Variants in BCLAF1 observed in about 807,000 individuals in gnomAD.
BCLAF1 encodes BCL2 associated transcription factor 1.
In BCLAF1, 10 loss-of-function variants were observed where a neutral mutation model predicts 99.5. The ratio of observed to expected loss-of-function variants is 0.10; its 90% CI spans 0.06 to 0.17. BCLAF1 has a LOEUF of 0.17. Among genes scored for constraint, BCLAF1 ranks in the 10% least tolerant of loss-of-function variants. The probability of loss-of-function intolerance (pLI) is 1.00; values close to 1 mark genes in which losing one functional copy is unlikely to be tolerated. For missense variants in BCLAF1, 636 were observed against 1,105.8 expected, an observed-to-expected ratio of 0.58 and a Z score of 6.02; for synonymous variants, 255 against 370.9, an observed-to-expected ratio of 0.69 and a Z score of 3.59.
intron 11 of BCLAF1, among the ~76,000 whole-genome samples, chr6:136,264,025 A>C (rs2128467353): frequency 6.6e-6 from 1 of 152,236 alleles, no homozygotes; most frequent in African/African-American, 2.4e-5. Flanking sequence ...TCCTGACCCC[A>C]TTGCACTAGC....
Position 136,288,822 on chromosome 6 carries a change from A to G in BCLAF1, c.-115+891T>C, listed in dbSNP as rs1444147521. Among the ~76,000 whole-genome samples, 5 of 152,222 alleles carry G rather than the reference A, an allele frequency of 3.3e-5. No homozygotes were observed. The South Asian group carries it at 6.2e-4, about 19-fold the overall frequency. Reference sequence around the variant, plus strand: ...CACCCATTTCTCACACCAGCTGTCCACCAATCGTGGCTGCAACATTTCTGA... The same window carrying G: ...CACCCATTTCTCACACCAGCTGTCCGCCAATCGTGGCTGCAACATTTCTGA... On this transcript the variant is annotated intron_variant, in intron 1 of 12. Transcript: ENST00000531224.
Position 136,276,105 on chromosome 6 carries a change from T to C in BCLAF1, c.1420A>G (p.Thr474Ala), listed in dbSNP as rs754825901. 1.8e-5 allele frequency: 29 copies of C among 1,610,182 alleles called. No individual in the cohort carries two copies. The highest frequency in any genetic ancestry group is 2.2e-5 in the East Asian group (1 of 44,860). The change falls in exon 5 of 13, where the codon ACA (threonine) becomes GCA (alanine). Residue 474 changes from threonine (T) to alanine (A), a missense_variant. Physicochemically the swap from Thr to Ala is moderately conservative, Grantham distance 58. Transcript: ENST00000531224. Reference sequence around the variant, plus strand: ...TCTTCTTCTTTGTGCTTATCTTTTGTAGTGCTAGGCCTTTCCACTACATAT... The same window carrying C: ...TCTTCTTCTTTGTGCTTATCTTTTGCAGTGCTAGGCCTTTCCACTACATAT... Reference protein sequence around the residue: ...TGYVVERPSTTKDKHKEEDKN... With the variant: ...TGYVVERPSTAKDKHKEEDKN...
intron 7 of BCLAF1, 65 bp from the exon 8 acceptor site, chr6:136,272,144 C>A: frequency 8.9e-7 from 1 of 1,124,060 alleles, no homozygotes; most frequent in East Asian, 2.6e-5. Flanking sequence ...AACATCCACA[C>A]GATTATCCAT....
intron 1 of BCLAF1, among the ~76,000 whole-genome samples, 193 bp downstream of exon 1, chr6:136,289,520 G>A (rs1400892284): frequency 4.6e-5 from 7 of 152,254 alleles, no homozygotes; most frequent in Non-Finnish European, 1.5e-5. Context: ...CAGCGCCCCC[G>A]CCCGGCCTTT....
At chr6:136,275,776 G>GT in intron 5 of BCLAF1, 67 bp downstream of exon 5, 1 of 1,567,690 alleles carries the variant, frequency 6.4e-7, no homozygotes, top group Non-Finnish European at 8.6e-7. Context: ...TGTTCAGAAA[G>GT]TTTAAGATAA....
rs762846599 is a variant in BCLAF1 at position 136,273,067 on chromosome 6, C to T, written c.1958+15G>A. On this transcript the variant is annotated intron_variant, in intron 7 of 12. Coordinates refer to ENST00000531224, the MANE Select transcript of BCLAF1 (RefSeq NM_014739.3). ...AAAACAACGTTTTTATATGCCAGTTCAGCAGGATACATACCTGTGTATTTC... is the reference window on the plus strand; with the variant it reads ...AAAACAACGTTTTTATATGCCAGTTTAGCAGGATACATACCTGTGTATTTC... The T allele has an allele frequency of 1.3e-5, 20 of 1,585,618 alleles. No individual in the cohort carries two copies. The Admixed American group carries it at 3.4e-4, about 27-fold the overall frequency.
rs147983194 is a variant in BCLAF1, at chr6:136,278,576, G to C, written c.305C>G (p.Ser102Cys). The change falls in exon 4 of 13, where the codon TCT (serine) becomes TGT (cysteine). Residue 102 changes from serine to cysteine, a missense_variant. Physicochemically the swap from Ser to Cys is moderately radical, Grantham distance 112. Transcript: ENST00000531224. ...GYRPVWNRRHSRSPRRGRSRS... is the reference protein window; with the variant it reads ...GYRPVWNRRHCRSPRRGRSRS... The stretch of plus-strand genomic sequence containing the variant: ...TGAACGACCTCGTCTAGGACTCCTA[G>C]AGTGCCTTCTATTCCAGACAGGTCT... The C allele has an allele frequency of 6.3e-7, 1 of 1,599,968 alleles. No individual in the cohort carries two copies. The highest frequency in any genetic ancestry group is 2.2e-5 in the East Asian group (1 of 44,498).
chr6:136,284,256 G>C, intron 1 of BCLAF1, among the ~76,000 whole-genome samples: 1 of 151,016 alleles, frequency 6.6e-6, no homozygotes, highest in East Asian at 1.9e-4. Flanking sequence ...ACAGAACAGG[G>C]AATACAGGCT....
At chr6:136,273,038 T>C (rs1039598786) in intron 7 of BCLAF1, 44 bp downstream of exon 7, 8 of 1,471,224 alleles carry the variant, frequency 5.4e-6, no homozygotes, top group Middle Eastern at 1.8e-4. Context: ...AGTGTCTTCC[T>C]ATCAAAACAA....
In BCLAF1 at chr6:136,273,057, T is replaced by C. The variant is rs769889338; in HGVS notation, c.1958+25A>G. On this transcript the variant is annotated intron_variant, in intron 7 of 12. Transcript: ENST00000531224. ...TCTTCCTATCAAAACAACGTTTTTATATGCCAGTTCAGCAGGATACATACC... is the reference window on the plus strand; with the variant it reads ...TCTTCCTATCAAAACAACGTTTTTACATGCCAGTTCAGCAGGATACATACC... 9.6e-6 allele frequency: 15 copies of C among 1,555,642 alleles called. No homozygotes were observed. In the Admixed American group the frequency reaches 1.3e-4, roughly 14 times the overall value.
At position 136,273,491 on chromosome 6, in the gene BCLAF1, T is replaced by C. The variant is rs1782836343; in HGVS notation, c.1853-304A>G. On this transcript the variant is annotated intron_variant, in intron 6 of 12. Coordinates refer to ENST00000531224, the MANE Select transcript of BCLAF1 (RefSeq NM_014739.3). ...TACTTCCTCAGAACAAAAAGGAACA[T>C]AATCTATGGATGCTCTAATACCTTG... 5 of 244,546 alleles carry C rather than the reference T, an allele frequency of 2.0e-5. No homozygotes were observed. The East Asian group carries it at 4.7e-4, about 23-fold the overall frequency. The allele number at this position is 244,546 out of a possible 1,614,324, so 15.1% of individuals were successfully genotyped here. A position where few individuals can be genotyped will look rare whatever the true frequency, so the allele number is the denominator to read the frequency against.
At chr6:136,275,769 T>C (rs1783223811) in intron 5 of BCLAF1, 68 bp from the exon 6 acceptor site, 10 of 1,564,252 alleles carry the variant, frequency 6.4e-6, no homozygotes, top group Non-Finnish European at 8.6e-6. Flanking sequence ...AATGGTATGT[T>C]CAGAAAGTTT....
At position 136,260,941 on chromosome 6, in the gene BCLAF1, C is replaced by G. The variant is rs1182594328; in HGVS notation, c.*169G>C. Reference sequence around the variant, plus strand: ...TTATTTCAGTACAATTTTCAACATACAGTCTACTATTTCTCAAGATATTTG... The same window carrying G: ...TTATTTCAGTACAATTTTCAACATAGAGTCTACTATTTCTCAAGATATTTG... On this transcript the variant is annotated 3_prime_UTR_variant, in exon 13 of 13. Coordinates refer to ENST00000531224, the MANE Select transcript of BCLAF1 (RefSeq NM_014739.3). 1 of 621,108 alleles carries G rather than the reference C, an allele frequency of 1.6e-6. No homozygotes were observed. The highest frequency in any genetic ancestry group is 3.1e-5 in the East Asian group (1 of 32,424). 38.5% of individuals were successfully genotyped at this position (621,108 alleles called of 1,614,324 possible). A position where few individuals can be genotyped will look rare whatever the true frequency, so the allele number is the denominator to read the frequency against.
intron 8 of BCLAF1, 152 bp downstream of exon 8, chr6:136,271,843 C>T: frequency 1.8e-6 from 1 of 545,150 alleles, no homozygotes; most frequent in Non-Finnish European, 3.2e-6. Flanking sequence ...TAATTTCTTC[C>T]AGGAAGAAAC....
chr6:136,287,294 A>G (rs1785277136), intron 1 of BCLAF1, among the ~76,000 whole-genome samples: 1 of 152,176 alleles, frequency 6.6e-6, no homozygotes, highest in African/African-American at 2.4e-5. Context: ...CGGGCTACAG[A>G]GCGAGTCTCT....
At position 136,257,388 on chromosome 6, in the gene BCLAF1, A is replaced by C. The variant is rs1439953387; in HGVS notation, c.*3722T>G. 6.6e-6 allele frequency: 1 copy of C among 152,216 alleles called. No homozygotes were observed. The highest frequency in any genetic ancestry group is 1.5e-5 in the Non-Finnish European group (1 of 68,024). 9.4% of individuals were successfully genotyped at this position (152,216 alleles called of 1,614,324 possible). ...AGAACTGGTACCCTTAATTAAATGT[A>C]CAAGTTTGGTCTCATTACCATCATT... is the stretch of plus-strand genomic sequence containing the variant. On this transcript the variant is annotated 3_prime_UTR_variant, in exon 13 of 13. Transcript: ENST00000531224.
At chr6:136,272,714 G>A (rs1264708516) in intron 7 of BCLAF1, among the ~76,000 whole-genome samples, 1 of 151,854 alleles carries the variant, frequency 6.6e-6, no homozygotes, top group Non-Finnish European at 1.5e-5. Flanking sequence ...ACAACTATCT[G>A]ACTTCAATGC....
intron 8 of BCLAF1, chr6:136,269,848 T>C: frequency 3.0e-6 from 1 of 333,082 alleles, no homozygotes; most frequent in Non-Finnish European, 5.4e-6. Context: ...TAAAAGCTAA[T>C]TATCTTGAGA....
In BCLAF1 at chr6:136,261,128, GA is replaced by G; in HGVS notation, c.2758-14del. 6.3e-7 allele frequency: 1 copy of G among 1,576,750 alleles called. No homozygotes were observed. Among genetic ancestry groups the G allele is most frequent in the Non-Finnish European group, 8.6e-7 (1 of 1,161,158 alleles). On this transcript the variant is annotated splice_polypyrimidine_tract_variant and intron_variant, in intron 12 of 12. Transcript: ENST00000531224. ...ATATTTATTATTCCTAAAAGAGAGA[GA>G]AAAAATTAAAGATTAACAAAAGATG... is the stretch of plus-strand genomic sequence containing the variant.
Sources: gnomAD v4.1 joint callset for allele counts (sites outside exome capture counted in the v4.1 genomes callset) on GRCh38, gnomAD v4.1.1 for gene constraint, MANE v1.5 for transcripts, NCBI Gene and HGNC (gene_info 2026-07-23, HGNC 2026-07-21) for gene names.